Variants in CORIN observed in about 807,000 individuals in gnomAD.
CORIN encodes corin, serine peptidase.
A neutral mutation model predicts 125.3 loss-of-function variants in CORIN; 117 were observed. The observed-to-expected ratio is 0.93, with a 90% CI of 0.80 to 1.09. The LOEUF is 1.09. Ranked by LOEUF, CORIN falls within the 50% of genes least tolerant of loss-of-function variation. The pLI, the probability that CORIN is intolerant of heterozygous loss-of-function variation, is 0.00. For synonymous variants in CORIN, 450 were observed against 466.4 expected (o/e 0.96, Z 0.45); for missense variants, 1,253 against 1,306.7 (o/e 0.96, Z 0.63).
At chr4:47,734,486 T>C (rs957883760) in intron 5 of CORIN, among the ~76,000 whole-genome samples, 5 of 152,220 alleles carry the variant, frequency 3.3e-5, no homozygotes, top group African/African-American at 9.7e-5. Flanking sequence ...GTAATTGACT[T>C]CACTCTATTC....
intron 19 of CORIN, among the ~76,000 whole-genome samples, chr4:47,604,646 T>C (rs1419589924): frequency 6.6e-6 from 1 of 152,186 alleles, no homozygotes; most frequent in Non-Finnish European, 1.5e-5. Context: ...TCAGCAAGTC[T>C]TTGCCAATCC....
At chr4:47,652,052 C>A (rs1723755678) in intron 13 of CORIN, among the ~76,000 whole-genome samples, 1 of 152,136 alleles carries the variant, frequency 6.6e-6, no homozygotes, top group East Asian at 1.9e-4. Flanking sequence ...AATACCATGA[C>A]CCATCAAAGT....
At chr4:47,624,304 A>G (rs1456423253) in intron 17 of CORIN, among the ~76,000 whole-genome samples, 1 of 152,222 alleles carries the variant, frequency 6.6e-6, no homozygotes, top group African/African-American at 2.4e-5. Flanking sequence ...ATGCAAATTC[A>G]AACTACAGTT....
At chr4:47,790,551 A>G (rs1367232994) in intron 2 of CORIN, among the ~76,000 whole-genome samples, 2 of 152,180 alleles carry the variant, frequency 1.3e-5, no homozygotes, top group African/African-American at 4.8e-5. Flanking sequence ...ACAAGAGCCC[A>G]GCTTTTAGGT....
At chr4:47,729,679 A>G (rs551323015) in intron 5 of CORIN, among the ~76,000 whole-genome samples, 82 of 152,284 alleles carry the variant, frequency 5.4e-4, no homozygotes, top group African/African-American at 1.9e-3. Context: ...TTAAGCTGGA[A>G]GACCCACAGC....
chr4:47,686,268 G>C, intron 6 of CORIN, among the ~76,000 whole-genome samples: 1 of 151,742 alleles, frequency 6.6e-6, no homozygotes, highest in Non-Finnish European at 1.5e-5. Context: ...CATTAGGAAG[G>C]TGTGTATGTG....
At chr4:47,756,171 G>A (rs1397324106) in intron 4 of CORIN, among the ~76,000 whole-genome samples, 1 of 152,206 alleles carries the variant, frequency 6.6e-6, no homozygotes, top group African/African-American at 2.4e-5. Context: ...AGAGGGCTTA[G>A]TGTGAGGAGA....
intron 19 of CORIN, among the ~76,000 whole-genome samples, chr4:47,607,711 C>T (rs1721708466): frequency 6.6e-6 from 1 of 152,110 alleles, no homozygotes; most frequent in Non-Finnish European, 1.5e-5. Flanking sequence ...AAAGACAGCC[C>T]TGTGTCTGGG....
chr4:47,602,000 G>C (rs1232324454), intron 20 of CORIN, among the ~76,000 whole-genome samples: 1 of 151,924 alleles, frequency 6.6e-6, no homozygotes, highest in Middle Eastern at 3.2e-3. Context: ...GGACAGAGTA[G>C]GCAGCACTTA....
chr4:47,748,637 G>A (rs1462500400), intron 4 of CORIN, among the ~76,000 whole-genome samples: 1 of 151,968 alleles, frequency 6.6e-6, no homozygotes, highest in African/African-American at 2.4e-5. Flanking sequence ...AAATGTTAGA[G>A]AATTTATCTT....
intron 1 of CORIN, among the ~76,000 whole-genome samples, chr4:47,809,507 C>A (rs920581071): frequency 1.3e-5 from 2 of 149,000 alleles, no homozygotes. Flanking sequence ...CAGGTTCATG[C>A]GATTCTCCTA....
At chr4:47,824,963 C>T (rs1042874901) in intron 1 of CORIN, among the ~76,000 whole-genome samples, 12 of 152,174 alleles carry the variant, frequency 7.9e-5, no homozygotes, top group African/African-American at 2.9e-4. Flanking sequence ...CTATTTTTAA[C>T]CTGGTGTTAT....
At chr4:47,625,958 A>G (rs953767589) in intron 17 of CORIN, among the ~76,000 whole-genome samples, 3 of 152,172 alleles carry the variant, frequency 2.0e-5, no homozygotes, top group Non-Finnish European at 4.4e-5. Context: ...ATGATTTTTT[A>G]GGGTAAACTT....
intron 4 of CORIN, among the ~76,000 whole-genome samples, chr4:47,753,429 C>T (rs546666690): frequency 2.0e-4 from 30 of 152,226 alleles, no homozygotes; most frequent in African/African-American, 6.0e-4. Flanking sequence ...TTTACCAGGA[C>T]GCGATCTTTT....
At chr4:47,797,180 T>C (rs928633255) in intron 2 of CORIN, among the ~76,000 whole-genome samples, 11 of 149,958 alleles carry the variant, frequency 7.3e-5, no homozygotes, top group Admixed American at 4.7e-4. Context: ...AATTTTACTT[T>C]AAATGTTGCA....
chr4:47,763,599 G>A lies in CORIN; in HGVS notation c.410-13C>T, dbSNP rs1729571519. ...TTCATACAGGCACCTGGGAAGTAAA[G>A]ACATGCACATTTAAGAGTGGACACA... On this transcript the variant is annotated splice_polypyrimidine_tract_variant and intron_variant, in intron 3 of 21. Transcript: ENST00000273857. 1 of 1,608,958 alleles carries A rather than the reference G, an allele frequency of 6.2e-7. No individual in the cohort carries two copies.
intron 12 of CORIN, among the ~76,000 whole-genome samples, chr4:47,656,088 A>C (rs1267347568): frequency 6.6e-6 from 1 of 152,114 alleles, no homozygotes; most frequent in Non-Finnish European, 1.5e-5. Flanking sequence ...AAAAGTCCTC[A>C]AGAAAATACC....
chr4:47,811,027 T>C (rs527714711), intron 1 of CORIN, among the ~76,000 whole-genome samples: 1 of 152,294 alleles, frequency 6.6e-6, no homozygotes, highest in African/African-American at 2.4e-5. Context: ...TGGGATATAT[T>C]AATATGCAAA....
At chr4:47,708,550 A>T (rs1448113576) in intron 5 of CORIN, among the ~76,000 whole-genome samples, 1 of 152,164 alleles carries the variant, frequency 6.6e-6, no homozygotes, top group Non-Finnish European at 1.5e-5. Context: ...GATTTAGGAC[A>T]TGGACATCTT....
Sources: gnomAD v4.1 joint callset for allele counts (sites outside exome capture counted in the v4.1 genomes callset) on GRCh38, gnomAD v4.1.1 for gene constraint, MANE v1.5 for transcripts, NCBI Gene and HGNC (gene_info 2026-07-23, HGNC 2026-07-21) for gene names.